The following MTREX variants were observed in gnomAD, a reference collection of about 807,000 sequenced individuals.
The protein encoded by MTREX is exosome RNA helicase MTR4.
A neutral mutation model predicts 135.4 loss-of-function variants in MTREX; 76 were observed. The ratio of observed to expected loss-of-function variants is 0.56; its 90% CI spans 0.47 to 0.68. MTREX has a LOEUF of 0.68. MTREX is among the 30% of genes least tolerant of loss of function. The pLI is 0.00. For missense variants in MTREX, 920 were observed against 1,262.1 expected (o/e 0.73, Z 4.11); for synonymous variants, 404 against 401.6 (o/e 1.01, Z -0.07).
intron 25 of MTREX, among the ~76,000 whole-genome samples, chr5:55,422,216 C>A (rs1157401270): frequency 6.6e-6 from 1 of 152,132 alleles, no homozygotes; most frequent in African/African-American, 2.4e-5. Context: ...AAAAGTGAAA[C>A]TATGTTTATA....
intron 1 of MTREX, among the ~76,000 whole-genome samples, chr5:55,310,958 T>C (rs942360717): frequency 4.0e-5 from 6 of 151,720 alleles, no homozygotes; most frequent in Admixed American, 3.9e-4. Flanking sequence ...TAAAAATGTT[T>C]TGTAGAGACG....
intron 1 of MTREX, among the ~76,000 whole-genome samples, chr5:55,320,863 T>C (rs953782010): frequency 7.2e-5 from 11 of 152,190 alleles, no homozygotes; most frequent in Admixed American, 2.6e-4. Context: ...TCTATTAAAA[T>C]ACCCTGTCCT....
At chr5:55,407,999 C>A (rs1750832461) in intron 22 of MTREX, among the ~76,000 whole-genome samples, 1 of 152,112 alleles carries the variant, frequency 6.6e-6, no homozygotes, top group Non-Finnish European at 1.5e-5. Context: ...ATTAAGCAGT[C>A]CGCCCACCTT....
chr5:55,422,093 G>A (rs1445995075), intron 25 of MTREX, among the ~76,000 whole-genome samples: 1 of 152,162 alleles, frequency 6.6e-6, no homozygotes, highest in African/African-American at 2.4e-5. Context: ...TTGAGAACTG[G>A]TATTCCTAAT....
intron 3 of MTREX, among the ~76,000 whole-genome samples, chr5:55,327,316 T>C (rs992035670): frequency 9.2e-5 from 14 of 152,342 alleles, no homozygotes; most frequent in Middle Eastern, 3.4e-3. Context: ...TAACTATTTC[T>C]AGAGTCTCTT....
intron 21 of MTREX, among the ~76,000 whole-genome samples, chr5:55,401,030 T>TG (rs1178961034): frequency 7.9e-5 from 12 of 152,100 alleles, no homozygotes; most frequent in Admixed American, 2.0e-4. Flanking sequence ...TGTGCGTGCG[T>TG]CCGTGCATGC....
At chr5:55,395,644 T>C (rs1213953408) in intron 19 of MTREX, among the ~76,000 whole-genome samples, 1 of 152,120 alleles carries the variant, frequency 6.6e-6, no homozygotes, top group Non-Finnish European at 1.5e-5. Flanking sequence ...AGCACCTTAA[T>C]TGAATGATCA....
chr5:55,415,935 A>T, intron 24 of MTREX, 35 bp from the exon 25 acceptor site: 1 of 1,479,012 alleles, frequency 6.8e-7, no homozygotes, highest in South Asian at 1.3e-5. Flanking sequence ...ATGGGAGATC[A>T]TAAGTAAGGA....
At position 55,347,003 on chromosome 5, in the gene MTREX, G is replaced by GT. The variant is rs779888407; in HGVS notation, c.1109-5dup. The GT allele has an allele frequency of 1.3e-6, 2 of 1,599,566 alleles. No homozygotes were observed. ...AGTTAATTTTGGTGTGTTGTTTACT[G>GT]TTTTTGCAGGACCATCAAATGTTTT... On this transcript the variant is annotated splice_polypyrimidine_tract_variant and intron_variant, in intron 10 of 26. Coordinates refer to ENST00000230640, the MANE Select transcript of MTREX (RefSeq NM_015360.5).
intron 21 of MTREX, among the ~76,000 whole-genome samples, chr5:55,402,820 A>G (rs1194267571): frequency 8.9e-5 from 3 of 33,754 alleles, no homozygotes; most frequent in African/African-American, 1.4e-4. Flanking sequence ...TAAGCACATT[A>G]TATGTGTGTG....
intron 16 of MTREX, among the ~76,000 whole-genome samples, chr5:55,369,431 A>G (rs1750159271): frequency 6.6e-6 from 1 of 152,216 alleles, no homozygotes; most frequent in Non-Finnish European, 1.5e-5. Flanking sequence ...AGAAGTGTGT[A>G]TTGGTGCACC....
intron 16 of MTREX, 110 bp downstream of exon 16, chr5:55,366,985 CATACGTA>C: frequency 1.2e-6 from 1 of 816,006 alleles, no homozygotes; most frequent in Non-Finnish European, 1.9e-6. Flanking sequence ...AATTTTGGTT[CATACGTA>C]ATGGACTGCA....
intron 5 of MTREX, among the ~76,000 whole-genome samples, chr5:55,335,223 T>A (rs1001091203): frequency 6.6e-6 from 1 of 152,122 alleles, no homozygotes; most frequent in Non-Finnish European, 1.5e-5. Flanking sequence ...CAAGTTTTTT[T>A]AAAAAGCAGA....
intron 18 of MTREX, among the ~76,000 whole-genome samples, chr5:55,379,825 T>G (rs1165309393): frequency 1.3e-5 from 2 of 152,264 alleles, no homozygotes; most frequent in Non-Finnish European, 2.9e-5. Flanking sequence ...CTTTGCCAGT[T>G]TACTCATTCC....
chr5:55,400,220 A>G lies in MTREX; in HGVS notation c.2293-13A>G, dbSNP rs1171743109. ...ACTATAAGATGAAAATGAATTTTAC[A>G]TATTTTTTTCAGGAAGTTCAGAAAC... On this transcript the variant is annotated splice_polypyrimidine_tract_variant and intron_variant, in intron 20 of 26. Coordinates refer to ENST00000230640, the MANE Select transcript of MTREX (RefSeq NM_015360.5). The G allele has an allele frequency of 3.2e-6, 5 of 1,542,248 alleles. No individual in the cohort carries two copies. In the South Asian group the frequency reaches 5.0e-5, roughly 15 times the overall value.
At chr5:55,352,899 A>G (rs999389545) in intron 13 of MTREX, among the ~76,000 whole-genome samples, 2 of 152,212 alleles carry the variant, frequency 1.3e-5, no homozygotes, top group Non-Finnish European at 2.9e-5. Context: ...TCGTAAGACC[A>G]GTGTGTATTC....
Position 55,365,191 on chromosome 5 carries a change from G to GA in MTREX, c.1660-1528dup, listed in dbSNP as rs372352034. Among the ~76,000 whole-genome samples, 201 of 152,170 alleles carry GA rather than the reference G, an allele frequency of 1.3e-3. 2 individuals are homozygous for GA. In the Middle Eastern group the frequency reaches 0.024, roughly 18 times the overall value. On this transcript the variant is annotated intron_variant, in intron 15 of 26. Coordinates refer to ENST00000230640, the MANE Select transcript of MTREX (RefSeq NM_015360.5). ...TTTCTTGGTGGACATAATCATAGAA[G>GA]AAAAAATAACAGGAAAGTCTGCAAA...
chr5:55,422,177 A>G (rs377130161), intron 25 of MTREX, among the ~76,000 whole-genome samples: 2 of 152,272 alleles, frequency 1.3e-5, no homozygotes, highest in Non-Finnish European at 1.5e-5. Context: ...GGATCTCACA[A>G]TCTCTGCTCC....
rs190876918 is a variant in MTREX, at chr5:55,354,878, G to T, written c.1533+1609G>T. ...ACAGATTTGAGGATGATTTCTAGTG[G>T]ACAGCAGTCAACCAACCGCACCCAC... On this transcript the variant is annotated intron_variant, in intron 14 of 26. Transcript: ENST00000230640. 2.0e-5 allele frequency among the ~76,000 whole-genome samples: 3 copies of T among 152,292 alleles called. No individual in the cohort carries two copies. The East Asian group carries it at 5.8e-4, about 29-fold the overall frequency.
Sources: allele counts gnomAD v4.1 joint callset (sites outside exome capture counted in the v4.1 genomes callset), GRCh38; gene constraint gnomAD v4.1.1; transcripts MANE v1.5; gene names NCBI Gene and HGNC (gene_info 2026-07-23, HGNC 2026-07-21).